The following DKK2 variants were observed in gnomAD, a reference collection of about 807,000 sequenced individuals.
DKK2 encodes the protein dickkopf-related protein 2.
In DKK2, 11 loss-of-function variants were observed where a neutral mutation model predicts 28.1. That is an observed-to-expected ratio of 0.39 (90% confidence interval 0.25 to 0.65). The LOEUF is 0.65. Among genes scored for constraint, DKK2 ranks in the 30% least tolerant of loss-of-function variants. The pLI is 0.47. For missense variants in DKK2, 326 were observed against 335.5 expected, an observed-to-expected ratio of 0.97 and a Z score of 0.22; for synonymous variants, 135 against 126.5, an observed-to-expected ratio of 1.07 and a Z score of -0.45.
intron 1 of DKK2, among the ~76,000 whole-genome samples, chr4:106,932,222 A>G (rs1724514372): frequency 6.6e-6 from 1 of 152,190 alleles, no homozygotes; most frequent in South Asian, 2.1e-4. Context: ...ATCAGAGATG[A>G]AAGAGTATCT....
At chr4:107,004,373 C>A (rs967980768) in intron 1 of DKK2, among the ~76,000 whole-genome samples, 1 of 152,080 alleles carries the variant, frequency 6.6e-6, no homozygotes, top group Non-Finnish European at 1.5e-5. Context: ...ATTGACAGAC[C>A]TATGTTAGGA....
chr4:106,964,846 G>T (rs1722743781), intron 1 of DKK2, among the ~76,000 whole-genome samples: 1 of 151,982 alleles, frequency 6.6e-6, no homozygotes, highest in Non-Finnish European at 1.5e-5. Context: ...CCAGCCTAAG[G>T]ATTTTTGGAC....
chr4:106,934,852 A>G (rs1724555053), intron 1 of DKK2, among the ~76,000 whole-genome samples: 1 of 152,220 alleles, frequency 6.6e-6, no homozygotes, highest in South Asian at 2.1e-4. Flanking sequence ...TTCCATTTTA[A>G]AAGAGATACT....
At chr4:107,026,125 T>G (rs970901808) in intron 1 of DKK2, among the ~76,000 whole-genome samples, 3 of 152,216 alleles carry the variant, frequency 2.0e-5, no homozygotes, top group African/African-American at 7.2e-5. Flanking sequence ...TCCAGTTCTG[T>G]GTCCTGCTTT....
intron 1 of DKK2, among the ~76,000 whole-genome samples, chr4:106,970,759 G>A (rs1722858026): frequency 6.6e-6 from 1 of 152,032 alleles, no homozygotes; most frequent in Admixed American, 6.6e-5. Context: ...CTTTAATCCA[G>A]ATGGTGCAGG....
intron 1 of DKK2, among the ~76,000 whole-genome samples, chr4:106,972,164 T>C (rs1722877448): frequency 6.6e-6 from 1 of 152,062 alleles, no homozygotes; most frequent in South Asian, 2.1e-4. Flanking sequence ...TTCTTGTGCC[T>C]GAAACCTAGA....
chr4:107,014,735 T>C (rs1401468743), intron 1 of DKK2, among the ~76,000 whole-genome samples: 2 of 151,642 alleles, frequency 1.3e-5, no homozygotes, highest in Non-Finnish European at 3.0e-5. Context: ...TTCACATGTA[T>C]TGAAACATCA....
intron 1 of DKK2, among the ~76,000 whole-genome samples, chr4:107,011,349 T>G (rs956852678): frequency 1.3e-5 from 2 of 151,524 alleles, no homozygotes; most frequent in Non-Finnish European, 3.0e-5. Flanking sequence ...AGCTCAAAGC[T>G]TATCATGGCA....
chr4:106,941,083 A>G (rs1341612069), intron 1 of DKK2, among the ~76,000 whole-genome samples: 1 of 152,144 alleles, frequency 6.6e-6, no homozygotes, highest in African/African-American at 2.4e-5. Flanking sequence ...CAATGTGCAC[A>G]TGTACCCTAC....
At chr4:106,964,396 G>C (rs1380810543) in intron 1 of DKK2, among the ~76,000 whole-genome samples, 1 of 151,858 alleles carries the variant, frequency 6.6e-6, no homozygotes, top group Admixed American at 6.6e-5. Context: ...ATGGTTAATG[G>C]GTACAAAAAT....
At chr4:107,026,562 T>A (rs1028642341) in intron 1 of DKK2, among the ~76,000 whole-genome samples, 1 of 152,102 alleles carries the variant, frequency 6.6e-6, no homozygotes, top group Non-Finnish European at 1.5e-5. Flanking sequence ...TTAAGTAGGA[T>A]TAAAGAAACA....
At chr4:106,947,306 C>A (rs1489794123) in intron 1 of DKK2, among the ~76,000 whole-genome samples, 1 of 152,112 alleles carries the variant, frequency 6.6e-6, no homozygotes, top group Non-Finnish European at 1.5e-5. Context: ...GTGCTACTAA[C>A]CACATCAGCA....
At chr4:106,976,428 T>C (rs577297394) in intron 1 of DKK2, among the ~76,000 whole-genome samples, 2 of 152,338 alleles carry the variant, frequency 1.3e-5, no homozygotes, top group Non-Finnish European at 2.9e-5. Flanking sequence ...TGCTCCTGTA[T>C]TTGGTGCATA....
chr4:106,964,032 GT>G (rs942563366), intron 1 of DKK2, among the ~76,000 whole-genome samples: 5 of 152,068 alleles, frequency 3.3e-5, no homozygotes, highest in Non-Finnish European at 5.9e-5. Flanking sequence ...CTATGTGTCT[GT>G]TTTTATGCCA....
chr4:106,938,486 C>T (rs1216981326), intron 1 of DKK2, among the ~76,000 whole-genome samples: 1 of 152,106 alleles, frequency 6.6e-6, no homozygotes, highest in Non-Finnish European at 1.5e-5. Flanking sequence ...AATAGCTTAC[C>T]AACTAAAAAG....
rs536746760 is a variant in DKK2, at chr4:106,940,245, A to G, written c.223-14296T>C. The stretch of plus-strand genomic sequence containing the variant: ...GGCTAATATCCAGAATCTACAATGA[A>G]CTCAAACAAATTTACAAGAAAAAAC... On this transcript the variant is annotated intron_variant, in intron 1 of 3. Transcript: ENST00000285311. 4.1e-4 allele frequency among the ~76,000 whole-genome samples: 62 copies of G among 152,302 alleles called. 1 individual carries two copies. Among genetic ancestry groups the G allele is most frequent in the African/African-American group, 1.4e-3 (58 of 41,570 alleles).
chr4:106,992,846 C>T (rs556966239), intron 1 of DKK2, among the ~76,000 whole-genome samples: 1 of 152,296 alleles, frequency 6.6e-6, no homozygotes, highest in South Asian at 2.1e-4. Flanking sequence ...TGGCTGAAGA[C>T]AAAAGCACTT....
intron 1 of DKK2, among the ~76,000 whole-genome samples, chr4:107,024,922 T>C (rs1262223041): frequency 2.6e-5 from 4 of 152,208 alleles, no homozygotes; most frequent in Non-Finnish European, 5.9e-5. Flanking sequence ...GAAAGTGTGA[T>C]AGTGCACAAG....
intron 1 of DKK2, among the ~76,000 whole-genome samples, chr4:106,987,883 G>A (rs960764952): frequency 1.3e-4 from 10 of 75,018 alleles, no homozygotes; most frequent in African/African-American, 5.1e-4. Flanking sequence ...TTTTTTTTTT[G>A]AGATGGAGTC....
Sources: allele counts gnomAD v4.1 joint callset (sites outside exome capture counted in the v4.1 genomes callset), GRCh38; gene constraint gnomAD v4.1.1; transcripts MANE v1.5; gene names NCBI Gene and HGNC (gene_info 2026-07-23, HGNC 2026-07-21).